The following PCDH15 variants were observed in gnomAD, a reference collection of about 807,000 sequenced individuals.
PCDH15 encodes the protein protocadherin-15.
In PCDH15, 129 loss-of-function variants were observed where a neutral mutation model predicts 178.5. The observed-to-expected ratio is 0.72, with a 90% CI of 0.63 to 0.84. The LOEUF (loss-of-function observed/expected upper bound fraction) is 0.84, where lower values mean the gene tolerates loss of function less well. Ranked by LOEUF, PCDH15 falls within the 40% of genes least tolerant of loss-of-function variation. The pLI is 0.00. For synonymous variants in PCDH15, 800 were observed against 732.0 expected (o/e 1.09, Z -1.50); for missense variants, 2,230 against 2,099.9 (o/e 1.06, Z -1.21).
intron 2 of PCDH15, among the ~76,000 whole-genome samples, chr10:54,531,235 T>C (rs938233500): frequency 6.6e-6 from 1 of 152,204 alleles, no homozygotes; most frequent in Non-Finnish European, 1.5e-5. Flanking sequence ...TTGTTTTTCA[T>C]GCCTAAAGTT....
intron 23 of PCDH15, among the ~76,000 whole-genome samples, chr10:53,942,876 C>T (rs2086193946): frequency 1.3e-5 from 2 of 152,242 alleles, no homozygotes; most frequent in South Asian, 2.1e-4. Flanking sequence ...CCATTAAGTT[C>T]ATGGTAATAT....
intron 2 of PCDH15, among the ~76,000 whole-genome samples, chr10:55,594,890 G>A (rs2132135787): frequency 6.6e-6 from 1 of 152,090 alleles, no homozygotes; most frequent in African/African-American, 2.4e-5. Flanking sequence ...TATGGAGACT[G>A]TAACAAAATT....
chr10:55,192,813 A>G (rs1449825404), intron 1 of PCDH15, among the ~76,000 whole-genome samples: 1 of 151,408 alleles, frequency 6.6e-6, no homozygotes, highest in Non-Finnish European at 1.5e-5. Context: ...ATGTACATAC[A>G]TACATATATA....
At chr10:55,389,379 T>C (rs1218078742) in intron 2 of PCDH15, among the ~76,000 whole-genome samples, 1 of 152,056 alleles carries the variant, frequency 6.6e-6, no homozygotes, top group Non-Finnish European at 1.5e-5. Context: ...AACTCAAATA[T>C]TGTTGCTAAA....
At chr10:55,389,567 C>T (rs940870522) in intron 2 of PCDH15, among the ~76,000 whole-genome samples, 88 of 152,064 alleles carry the variant, frequency 5.8e-4, no homozygotes, top group African/African-American at 2.1e-3. Flanking sequence ...AGAAATTCTA[C>T]AAAATATTCA....
At position 54,134,027 on chromosome 10, in the gene PCDH15, T is replaced by C. The variant is rs748815692; in HGVS notation, c.1785-1020A>G. Among the ~76,000 whole-genome samples the C allele has an allele frequency of 4.4e-5, 6 of 135,012 alleles. 2 individuals carry two copies. The highest frequency in any genetic ancestry group is 1.5e-4 in the Admixed American group (2 of 13,328). The allele number at this position is 135,012 out of a possible 152,430, so 88.6% of individuals were successfully genotyped here. A position where few individuals can be genotyped will look rare whatever the true frequency, so the allele number is the denominator to read the frequency against. ...ATTTGTTATAATTTCTATTTGGGGA[T>C]GAGAATCTTTATTTATTTATTTATT... is the stretch of plus-strand genomic sequence containing the variant. On this transcript the variant is annotated intron_variant, in intron 14 of 37. Transcript: ENST00000644397.
chr10:54,351,374 A>T (rs946309043), intron 5 of PCDH15, among the ~76,000 whole-genome samples: 25 of 152,172 alleles, frequency 1.6e-4, no homozygotes, highest in African/African-American at 5.5e-4. Flanking sequence ...AATAAATTTA[A>T]AAGGTCCCTC....
chr10:55,262,097 G>GAGA (rs1554846797), intron 1 of PCDH15, among the ~76,000 whole-genome samples: 2 of 125,252 alleles, frequency 1.6e-5, no homozygotes, highest in South Asian at 2.9e-4. Context: ...GAGGAGAGGA[G>GAGA]AGAAGAGAAG....
chr10:54,290,749 G>C (rs901294078), intron 8 of PCDH15, among the ~76,000 whole-genome samples: 1 of 152,150 alleles, frequency 6.6e-6, no homozygotes, highest in Non-Finnish European at 1.5e-5. Context: ...TGCAATCTTA[G>C]TCTCTGATAA....
chr10:55,321,777 AAG>A (rs1244800215), upstream of PCDH15, among the ~76,000 whole-genome samples: 2 of 152,202 alleles, frequency 1.3e-5, no homozygotes, highest in Non-Finnish European at 2.9e-5. Flanking sequence ...GTGAAGAAGA[AAG>A]AAGATTATTT....
rs1278017704 is a variant in PCDH15 at position 53,804,728 on chromosome 10, T to C, written c.*1851A>G. ...GTAGGGAAATATATGCTTAATCTAA[T>C]TCCTATACAAAGTATCCTATACTAA... On this transcript the variant is annotated 3_prime_UTR_variant, in exon 38 of 38. Coordinates refer to ENST00000644397, the MANE Select transcript of PCDH15 (RefSeq NM_001384140.1). The C allele has an allele frequency of 6.6e-6, 1 of 151,972 alleles. No individual in the cohort carries two copies. Among genetic ancestry groups the C allele is most frequent in the African/African-American group, 2.4e-5 (1 of 41,416 alleles). 9.4% of individuals were successfully genotyped at this position (151,972 alleles called of 1,614,324 possible).
chr10:54,337,728 A>G (rs1056834956), intron 6 of PCDH15, among the ~76,000 whole-genome samples: 2 of 152,162 alleles, frequency 1.3e-5, no homozygotes. Flanking sequence ...AAATCAACCA[A>G]TCAGAGCTCA....
intron 2 of PCDH15, among the ~76,000 whole-genome samples, chr10:55,161,129 G>A (rs1249137101): frequency 1.3e-5 from 2 of 152,142 alleles, no homozygotes; most frequent in Non-Finnish European, 2.9e-5. Context: ...TAGTCATACA[G>A]TATATACCAC....
chr10:55,071,703 A>G (rs991643593), intron 2 of PCDH15, among the ~76,000 whole-genome samples: 1 of 152,168 alleles, frequency 6.6e-6, no homozygotes, highest in African/African-American at 2.4e-5. Context: ...CAGAAAGTTA[A>G]CAAGGATACC....
At chr10:55,215,325 G>T (rs1427835620) in intron 1 of PCDH15, among the ~76,000 whole-genome samples, 29 of 152,230 alleles carry the variant, frequency 1.9e-4, no homozygotes, top group Non-Finnish European at 5.9e-5. Flanking sequence ...TGATAATTCA[G>T]TGTGTACTTA....
chr10:54,526,057 T>C (rs901484170), intron 3 of PCDH15, among the ~76,000 whole-genome samples: 1 of 152,194 alleles, frequency 6.6e-6, no homozygotes, highest in Non-Finnish European at 1.5e-5. Context: ...AACATTAGTA[T>C]ACTATATCAT....
At chr10:55,268,704 G>C (rs1842363383) in intron 1 of PCDH15, among the ~76,000 whole-genome samples, 1 of 151,940 alleles carries the variant, frequency 6.6e-6, no homozygotes, top group Admixed American at 6.6e-5. Flanking sequence ...TAAGATTTTG[G>C]AATTATAAGT....
intron 10 of PCDH15, among the ~76,000 whole-genome samples, chr10:54,196,201 G>A (rs1391086183): frequency 6.6e-6 from 1 of 152,046 alleles, no homozygotes; most frequent in Non-Finnish European, 1.5e-5. Context: ...GGAGTGCAGT[G>A]GAGTGAACTC....
At chr10:54,869,443 TTAATAA>T (rs1389051817) in intron 3 of PCDH15, among the ~76,000 whole-genome samples, 1 of 152,184 alleles carries the variant, frequency 6.6e-6, no homozygotes, top group African/African-American at 2.4e-5. Context: ...GTAATATTTG[TTAATAA>T]TAATAAGTAT....
Sources: gnomAD v4.1 joint callset for allele counts (sites outside exome capture counted in the v4.1 genomes callset) on GRCh38, gnomAD v4.1.1 for gene constraint, MANE v1.5 for transcripts, NCBI Gene and HGNC (gene_info 2026-07-23, HGNC 2026-07-21) for gene names.